Variants in SBNO1 observed in about 807,000 individuals in gnomAD.
The protein encoded by SBNO1 is strawberry notch homolog 1.
A neutral mutation model predicts 173.6 loss-of-function variants in SBNO1; 23 were observed. The observed-to-expected ratio is 0.13, with a 90% CI of 0.10 to 0.19. The LOEUF is 0.19. SBNO1 is among the 10% of genes least tolerant of loss of function. The probability of loss-of-function intolerance (pLI) is 1.00; values close to 1 mark genes in which losing one functional copy is unlikely to be tolerated. For synonymous variants in SBNO1, 632 were observed against 571.5 expected, an observed-to-expected ratio of 1.11 and a Z score of -1.51; for missense variants, 1,238 against 1,671.2, an observed-to-expected ratio of 0.74 and a Z score of 4.52.
chr12:123,352,261 T>TA (rs1048710186), intron 1 of SBNO1, among the ~76,000 whole-genome samples: 5 of 152,242 alleles, frequency 3.3e-5, no homozygotes, highest in African/African-American at 1.2e-4. Flanking sequence ...CAGACTGTGA[T>TA]AAAATTAAGT....
At chr12:123,314,286 CCT>C (rs1868995630) in intron 23 of SBNO1, among the ~76,000 whole-genome samples, 1 of 151,742 alleles carries the variant, frequency 6.6e-6, no homozygotes, top group African/African-American at 2.4e-5. Flanking sequence ...CCTGCCTCAG[CCT>C]CCCAAGTAGC....
At chr12:123,331,418 T>C in intron 7 of SBNO1, 43 bp from the exon 8 acceptor site, 1 of 1,595,908 alleles carries the variant, frequency 6.3e-7, no homozygotes, top group Non-Finnish European at 8.6e-7. Context: ...CCTTCAGATA[T>C]TTTGGTGATC....
intron 30 of SBNO1, among the ~76,000 whole-genome samples, chr12:123,300,934 G>A (rs2048765852): frequency 6.6e-6 from 1 of 150,794 alleles, no homozygotes; most frequent in African/African-American, 2.4e-5. Flanking sequence ...ACTCCAGCCT[G>A]GGTGACAGAG....
At chr12:123,301,147 A>G (rs2048779165) in intron 30 of SBNO1, among the ~76,000 whole-genome samples, 1 of 151,922 alleles carries the variant, frequency 6.6e-6, no homozygotes, top group East Asian at 2.0e-4. Context: ...AGCTGGGATT[A>G]CAGGCGTCTG....
intron 7 of SBNO1, among the ~76,000 whole-genome samples, chr12:123,332,010 C>A (rs1871274722): frequency 6.6e-6 from 1 of 151,562 alleles, no homozygotes; most frequent in African/African-American, 2.4e-5. Context: ...CACCACCACG[C>A]CCAGCTAATT....
In SBNO1 at chr12:123,320,439, A is replaced by G; in HGVS notation, c.2660T>C (p.Val887Ala). The G allele has an allele frequency of 6.2e-7, 1 of 1,612,852 alleles. No homozygotes were observed. The highest frequency in any genetic ancestry group is 8.5e-7 in the Non-Finnish European group (1 of 1,179,452). The stretch of plus-strand genomic sequence containing the variant: ...AGATACAGGCCTATTTACCTCAGCA[A>G]CGTTCTCAGGGCCACCAAGTTCATC... Reference protein sequence around the residue: ...LIDELGGPENVAEMTGRKGRV... With the variant: ...LIDELGGPENAAEMTGRKGRV... Residue 887 changes from valine (V) to alanine (A), a missense_variant, in exon 19 of 32, where the codon GTT becomes GCT. Val to Ala is a moderately conservative substitution (Grantham distance 64, BLOSUM62 0). Transcript: ENST00000602398.
rs143013489 is a variant in SBNO1, at chr12:123,294,634, C to CAAAAAAAAAAAAAAAAAA, written c.*1256_*1273dup. ...TTTTCAATAGTGCAACCTGTGGAAG[C>CAAAAAAAAAAAAAAAAAA]AAAAAAAAAAAAAAAAAAAAAAAAA... On this transcript the variant is annotated 3_prime_UTR_variant, in exon 32 of 32. Coordinates refer to ENST00000602398, the MANE Select transcript of SBNO1 (RefSeq NM_001167856.3). The CAAAAAAAAAAAAAAAAAA allele has an allele frequency of 5.0e-4, 30 of 60,032 alleles. No homozygotes were observed. The highest frequency in any genetic ancestry group is 7.7e-4 in the Admixed American group (3 of 3,900). The allele number at this position is 60,032 out of a possible 1,614,324, so 3.7% of individuals were successfully genotyped here. A position where few individuals can be genotyped will look rare whatever the true frequency, so the allele number is the denominator to read the frequency against.
At chr12:123,363,583 T>C (rs1875659354) in intron 1 of SBNO1, among the ~76,000 whole-genome samples, 1 of 152,190 alleles carries the variant, frequency 6.6e-6, no homozygotes, top group Admixed American at 6.6e-5. Flanking sequence ...GACCAGTTTA[T>C]AACCTTCCCT....
Position 123,294,649 on chromosome 12 carries a change from A to G in SBNO1, c.*1259T>C, listed in dbSNP as rs1463351252. 2.4e-5 allele frequency: 4 copies of G among 168,890 alleles called. No individual in the cohort carries two copies. Among genetic ancestry groups the G allele is most frequent in the African/African-American group, 2.5e-5 (1 of 40,492 alleles). The allele number at this position is 168,890 out of a possible 1,614,324, so 10.5% of individuals were successfully genotyped here. The stretch of plus-strand genomic sequence containing the variant: ...CCTGTGGAAGCAAAAAAAAAAAAAA[A>G]AAAAAAAAAAAAGAAAAAAAGAAAA... On this transcript the variant is annotated 3_prime_UTR_variant, in exon 32 of 32. Transcript: ENST00000602398.
Position 123,309,531 on chromosome 12 carries a change from C to A in SBNO1, c.3495G>T (p.Leu1165=). 6.2e-7 allele frequency: 1 copy of A among 1,614,050 alleles called. No homozygotes were observed. The highest frequency in any genetic ancestry group is 1.1e-5 in the South Asian group (1 of 91,042). Residue 1165 remains leucine (L), a synonymous_variant, in exon 27 of 32, where the codon CTG becomes CTT. Coordinates refer to ENST00000602398, the MANE Select transcript of SBNO1 (RefSeq NM_001167856.3). ...GGCCAGAGGTTGAATATCCTGGAGT[C>A]AGAAACTTTTTAACATCACTTTTCC... ...KVRKSDVKKF[L]TPGYSTSGHV... is the part of the protein sequence containing the mutation.
chr12:123,360,820 T>G (rs766657739), intron 1 of SBNO1, among the ~76,000 whole-genome samples: 2 of 152,130 alleles, frequency 1.3e-5, no homozygotes, highest in Non-Finnish European at 2.9e-5. Flanking sequence ...GTAAGGCACT[T>G]AAAACCTACA....
intron 31 of SBNO1, among the ~76,000 whole-genome samples, chr12:123,297,329 CAAAAAAAAAAA>C (rs11427958): frequency 3.1e-5 from 1 of 32,048 alleles, no homozygotes; most frequent in Non-Finnish European, 6.3e-5. Context: ...GACTCAGTCT[CAAAAAAAAAAA>C]AAAAAAAAAA....
chr12:123,339,197 C>T (rs1029396512), intron 5 of SBNO1, among the ~76,000 whole-genome samples: 1 of 152,148 alleles, frequency 6.6e-6, no homozygotes, highest in African/African-American at 2.4e-5. Context: ...GTTTGCTGCA[C>T]TGTCTCCAAT....
chr12:123,308,434 G>A (rs139764194), intron 28 of SBNO1, among the ~76,000 whole-genome samples: 81 of 152,252 alleles, frequency 5.3e-4, no homozygotes, highest in African/African-American at 1.9e-3. Flanking sequence ...ACTTTGGGAG[G>A]CCAAGGCGGG....
At chr12:123,299,308 C>T (rs577394603) in intron 30 of SBNO1, among the ~76,000 whole-genome samples, 22 of 150,800 alleles carry the variant, frequency 1.5e-4, no homozygotes, top group Non-Finnish European at 3.2e-4. Flanking sequence ...GCGGAGCTTG[C>T]AGTGAGCCGA....
chr12:123,320,102 T>C (rs1869774336), intron 19 of SBNO1, 71 bp from the exon 20 acceptor site: 2 of 1,531,508 alleles, frequency 1.3e-6, no homozygotes, highest in South Asian at 1.1e-5. Flanking sequence ...GCCTCTTTCC[T>C]TGAAGACACT....
At chr12:123,349,968 T>C (rs950662844) in intron 2 of SBNO1, among the ~76,000 whole-genome samples, 6 of 151,628 alleles carry the variant, frequency 4.0e-5, no homozygotes, top group Non-Finnish European at 7.4e-5. Flanking sequence ...CATGTATATT[T>C]AAAATTGGGC....
At chr12:123,364,295 T>C in intron 1 of SBNO1, 2 of 985,562 alleles carry the variant, frequency 2.0e-6, no homozygotes, top group Non-Finnish European at 2.4e-6. Context: ...CGGTCCTTAC[T>C]TTCCCCGCGG....
intron 25 of SBNO1, 54 bp from the exon 26 acceptor site, chr12:123,309,910 A>G (rs1183204890): frequency 2.0e-5 from 28 of 1,385,820 alleles, no homozygotes; most frequent in Non-Finnish European, 2.4e-5. Context: ...AAAATTTTTT[A>G]TTCATCTAGG....
Sources: allele counts gnomAD v4.1 joint callset (sites outside exome capture counted in the v4.1 genomes callset), GRCh38; gene constraint gnomAD v4.1.1; transcripts MANE v1.5; gene names NCBI Gene and HGNC (gene_info 2026-07-23, HGNC 2026-07-21).